Variants in GCN1 observed in about 807,000 individuals in gnomAD.
GCN1 encodes GCN1 activator of EIF2AK4.
In GCN1, 90 loss-of-function variants were observed where a neutral mutation model predicts 288.4. That is an observed-to-expected ratio of 0.31 (90% confidence interval 0.26 to 0.37). The LOEUF is 0.37. Ranked by LOEUF, GCN1 falls within the 10% of genes least tolerant of loss-of-function variation. GCN1 has a pLI of 1.00. For synonymous variants in GCN1, 1,386 were observed against 1,420.2 expected (o/e 0.98, Z 0.54); for missense variants, 2,586 against 3,419.9 (o/e 0.76, Z 6.08).
rs201813370 is a variant in GCN1 at position 120,158,050 on chromosome 12, A to G, written c.2906-20T>C. On this transcript the variant is annotated intron_variant, in intron 25 of 57. Transcript: ENST00000300648. This position sits in a 1 kb window ranked among gnomAD's most constrained non-coding sequence, Gnocchi z 4.3. ...CAGCACCTGTGAGAGCGAGAAGCAG[A>G]TAAGATTCTGCAGGCAGGGCAGGGA... is the stretch of plus-strand genomic sequence containing the variant. 72 of 1,611,826 alleles carry G rather than the reference A, an allele frequency of 4.5e-5. No homozygotes were observed. Among genetic ancestry groups the G allele is most frequent in the Non-Finnish European group, 5.1e-5 (60 of 1,178,510 alleles).
rs548748273 is a variant in GCN1 at position 120,161,496 on chromosome 12, C to T, written c.2430G>A (p.Leu810=). 1.2e-6 allele frequency: 2 copies of T among 1,611,724 alleles called. No homozygotes were observed. Among genetic ancestry groups the T allele is most frequent in the Non-Finnish European group, 1.7e-6 (2 of 1,177,926 alleles). Residue 810 remains leucine (L), a synonymous_variant, in exon 22 of 58, where the codon CTG becomes CTA. Coordinates refer to ENST00000300648, the MANE Select transcript of GCN1 (RefSeq NM_006836.2). ...SFKEQIIELE[L]KEEIKKKKGI... The stretch of plus-strand genomic sequence containing the variant: ...AGTGCCTCCGTGTACTCACCTCCTT[C>T]AGCTCCAGCTCGATGATCTGCTCTT...
At chr12:120,152,468 A>G (rs1375642500) in intron 33 of GCN1, among the ~76,000 whole-genome samples, 1 of 134,494 alleles carries the variant, frequency 7.4e-6, no homozygotes, top group Non-Finnish European at 1.5e-5. Context: ...GTGTTTTTCA[A>G]AACAAAGAAA....
intron 1 of GCN1, 23 bp downstream of exon 1, chr12:120,194,657 G>T: frequency 6.6e-7 from 1 of 1,514,430 alleles, no homozygotes; most frequent in East Asian, 2.6e-5. Flanking sequence ...TGGCCGCGTT[G>T]GCCCCGCAGC....
chr12:120,190,896 G>T (rs553437442), intron 1 of GCN1, among the ~76,000 whole-genome samples: 2 of 152,270 alleles, frequency 1.3e-5, no homozygotes, highest in South Asian at 4.1e-4. Flanking sequence ...CAACTCACTG[G>T]CAGAGGATAA....
chr12:120,144,922 C>A lies in GCN1; in HGVS notation c.5155+1G>T. On this transcript the variant is annotated splice_donor_variant, in intron 40 of 57. Transcript: ENST00000300648. LOFTEE classifies it high-confidence loss of function. This position sits in a 1 kb window ranked among gnomAD's most constrained non-coding sequence, Gnocchi z 4.7. ...GGCCACTGGACCTGCTCTGGCCTTA[C>A]CCTGTGCAGCGCCTGAGCGATCCAC... is the stretch of plus-strand genomic sequence containing the variant. 6.2e-7 allele frequency: 1 copy of A among 1,614,218 alleles called. No individual in the cohort carries two copies. Among genetic ancestry groups the A allele is most frequent in the Non-Finnish European group, 8.5e-7 (1 of 1,180,036 alleles).
Position 120,134,822 on chromosome 12 carries a change from C to G in GCN1, c.7009-96G>C. ...AGAACAAATGACAATCCCAAACCAC[C>G]ACAGCGAGTCCAGCTCTCATACAGG... On this transcript the variant is annotated intron_variant, in intron 51 of 57. Transcript: ENST00000300648. This position sits in a 1 kb window ranked among gnomAD's most constrained non-coding sequence, Gnocchi z 5.0. 9.8e-7 allele frequency: 1 copy of G among 1,021,362 alleles called. No homozygotes were observed. The highest frequency in any genetic ancestry group is 2.4e-5 in the East Asian group (1 of 41,162). 63.3% of individuals were successfully genotyped at this position (1,021,362 alleles called of 1,614,324 possible).
chr12:120,148,269 T>C lies in GCN1; in HGVS notation c.4624A>G (p.Lys1542Glu). The C allele has an allele frequency of 6.2e-7, 1 of 1,614,066 alleles. No individual in the cohort carries two copies. The highest frequency in any genetic ancestry group is 8.5e-7 in the Non-Finnish European group (1 of 1,179,978). ...LSSCLPNIVPKLTEVLTDSHV... is the reference protein window; with the variant it reads ...LSSCLPNIVPELTEVLTDSHV... ...GAGTCGGTCAGCACCTCCGTAAGCT[T>C]GGGCACAATGTTGGGTAGACAGGAT... Residue 1542 changes from lysine (K) to glutamate (E), a missense_variant, in exon 37 of 58, where the codon AAG becomes GAG. By Grantham distance (56) the Lys-to-Glu change is moderately conservative. Transcript: ENST00000300648.
At chr12:120,151,584 A>G (rs562215701) in intron 33 of GCN1, among the ~76,000 whole-genome samples, 193 bp from the exon 34 acceptor site, 2 of 152,342 alleles carry the variant, frequency 1.3e-5, no homozygotes, top group South Asian at 2.1e-4. Context: ...GAGGGTGCAC[A>G]CTACAATCTG....
rs1876648571 is a variant in GCN1 at position 120,127,284 on chromosome 12, G to A, written c.*565C>T. ...CTGTTTATATCAAGATTAAATCAAA[G>A]CCTTTATTAAACATTCCTCTTTCAA... is the stretch of plus-strand genomic sequence containing the variant. On this transcript the variant is annotated 3_prime_UTR_variant, in exon 58 of 58. Coordinates refer to ENST00000300648, the MANE Select transcript of GCN1 (RefSeq NM_006836.2). 6.6e-6 allele frequency: 1 copy of A among 152,626 alleles called. No individual in the cohort carries two copies. Among genetic ancestry groups the A allele is most frequent in the Non-Finnish European group, 1.5e-5 (1 of 68,058 alleles). The allele number at this position is 152,626 out of a possible 1,614,324, so 9.5% of individuals were successfully genotyped here.
rs778347708 is a variant in GCN1 at position 120,153,235 on chromosome 12, G to A, written c.4040C>T (p.Ala1347Val). 1 of 1,614,124 alleles carries A rather than the reference G, an allele frequency of 6.2e-7. No individual in the cohort carries two copies. The highest frequency in any genetic ancestry group is 1.1e-5 in the South Asian group (1 of 91,084). The change falls in exon 33 of 58, where the codon GCC (alanine) becomes GTC (valine). Residue 1347 changes from alanine to valine, a missense_variant. Around this residue, in one of 8 missense-constraint regions of GCN1, gnomAD observed 332 missense variants for 403.0 expected, o/e 0.82. Transcript: ENST00000300648. This position sits in a 1 kb window ranked among gnomAD's most constrained non-coding sequence, Gnocchi z 4.4. ...TACCTGCTGGGAGGGGGTGGAGAGG[G>A]CAGCGATGAGCTTGGCAACAATGGG... The part of the protein sequence containing the change: ...VKPIVAKLIA[A>V]LSTPSQQVQE...
At chr12:120,163,327 A>C in intron 18 of GCN1, 68 bp from the exon 19 acceptor site, 2 of 1,280,690 alleles carry the variant, frequency 1.6e-6, no homozygotes, top group Non-Finnish European at 2.3e-6. Flanking sequence ...GGAACCAAAT[A>C]TGCTACGGAC....
chr12:120,177,851 A>C, intron 7 of GCN1, 99 bp from the exon 8 acceptor site: 1 of 855,104 alleles, frequency 1.2e-6, no homozygotes, highest in Non-Finnish European at 2.0e-6. Context: ...AAAAATACAA[A>C]TCAATGCCCC....
In GCN1 at chr12:120,156,470, G is replaced by C; in HGVS notation, c.3303C>G (p.Thr1101=). Residue 1101 remains threonine, a synonymous_variant, in exon 28 of 58, where the codon ACC becomes ACG. Transcript: ENST00000300648. The surrounding 1 kb of genome is among the most constrained non-coding windows in gnomAD (Gnocchi z 5.8). Reference sequence around the variant, plus strand: ...GAGACTGAGCACACACCCGGAGCACGGTTTCCCGCACGCTGGCACACGGGG... The same window carrying C: ...GAGACTGAGCACACACCCGGAGCACCGTTTCCCGCACGCTGGCACACGGGG... ...LQSPCASVRE[T]VLRGLMELHM... is the part of the protein sequence containing the mutation. The C allele has an allele frequency of 1.2e-6, 2 of 1,613,762 alleles. No homozygotes were observed. Among genetic ancestry groups the C allele is most frequent in the East Asian group, 4.5e-5 (2 of 44,886 alleles).
chr12:120,129,288 T>C lies in GCN1; in HGVS notation c.7878A>G (p.Glu2626=). The change falls in exon 57 of 58, where the codon GAA becomes GAG. Residue 2626 remains glutamate, a synonymous_variant. Coordinates refer to ENST00000300648, the MANE Select transcript of GCN1 (RefSeq NM_006836.2). ...IVNLLKMRQG[E]EVFQSLSKIL... ...CCCAGGCTCCCACCTGAAACACCTC[T>C]TCACCCTGCCGCATCTTGAGGAGGT... 1.2e-6 allele frequency: 2 copies of C among 1,613,570 alleles called. No individual in the cohort carries two copies. Among genetic ancestry groups the C allele is most frequent in the Non-Finnish European group, 1.7e-6 (2 of 1,179,568 alleles).
chr12:120,171,664 G>C (rs948143752), intron 14 of GCN1, among the ~76,000 whole-genome samples: 1 of 152,094 alleles, frequency 6.6e-6, no homozygotes, highest in African/African-American at 2.4e-5. Flanking sequence ...TTTTTAAAAG[G>C]TTTATTTTAT....
intron 19 of GCN1, 22 bp downstream of exon 19, chr12:120,163,048 C>T (rs1877981612): frequency 6.2e-7 from 1 of 1,613,560 alleles, no homozygotes. Context: ...TGGGCTCTCC[C>T]ACACCCACCG....
At chr12:120,194,549 G>A (rs1277880615) in intron 1 of GCN1, 131 bp downstream of exon 1, 6 of 891,794 alleles carry the variant, frequency 6.7e-6, no homozygotes, top group East Asian at 3.3e-5. Context: ...GCCTGAGACG[G>A]CCCCGAGACT....
intron 56 of GCN1, 98 bp from the exon 57 acceptor site, chr12:120,129,592 A>G: frequency 1.1e-6 from 1 of 874,482 alleles, no homozygotes; most frequent in Non-Finnish European, 1.9e-6. Flanking sequence ...TACAGCATGA[A>G]CACTGACCCC....
At position 120,154,981 on chromosome 12, in the gene GCN1, C is replaced by T; in HGVS notation, c.3690G>A (p.Gln1230=). 3 of 1,613,538 alleles carry T rather than the reference C, an allele frequency of 1.9e-6. 1 individual carries two copies. Among genetic ancestry groups the T allele is most frequent in the African/African-American group, 2.7e-5 (2 of 75,060 alleles). ...GRVISESPPD[Q]WEARCGLALA... ...AACAATTGTTATACCTGGCTTCCCA[C>T]TGATCTGGAGGAGATTCTGAAATAA... The change falls in exon 31 of 58, where the codon CAG becomes CAA. Residue 1230 remains glutamine (Q), a synonymous_variant. Coordinates refer to ENST00000300648, the MANE Select transcript of GCN1 (RefSeq NM_006836.2).
Sources: allele counts gnomAD v4.1 joint callset (sites outside exome capture counted in the v4.1 genomes callset), GRCh38; gene constraint gnomAD v4.1.1; regional missense constraint gnomAD v4.1.1; non-coding constraint Gnocchi (gnomAD v3.1); transcripts MANE v1.5; gene names NCBI Gene and HGNC (gene_info 2026-07-23, HGNC 2026-07-21).